Variants in TNPO1 observed in about 807,000 individuals in gnomAD.
The protein encoded by TNPO1 is transportin 1.
TNPO1 carries 8 observed loss-of-function variants against 119.5 expected under a neutral mutation model. The ratio of observed to expected loss-of-function variants is 0.07; its 90% CI spans 0.04 to 0.12. TNPO1 has a LOEUF of 0.12. Ranked by LOEUF, TNPO1 falls within the 10% of genes least tolerant of loss-of-function variation. TNPO1 has a pLI of 1.00. For missense variants in TNPO1, 576 were observed against 1,089.8 expected, an observed-to-expected ratio of 0.53 and a Z score of 6.64; for synonymous variants, 362 against 363.0, an observed-to-expected ratio of 1.00 and a Z score of 0.03.
intron 3 of TNPO1, 58 bp from the exon 4 acceptor site, chr5:72,855,716 G>A (rs1048561246): frequency 1.8e-5 from 25 of 1,403,762 alleles, no homozygotes; most frequent in Middle Eastern, 2.6e-4. Context: ...AAAACTTATC[G>A]GCACATTTTG....
At chr5:72,848,752 C>T (rs1745300218) in intron 2 of TNPO1, among the ~76,000 whole-genome samples, 2 of 147,170 alleles carry the variant, frequency 1.4e-5, no homozygotes, top group Admixed American at 6.7e-5. Flanking sequence ...GCTTCCGGCG[C>T]GCAGGAGGCG....
At chr5:72,871,553 A>T (rs1202581010) in intron 6 of TNPO1, among the ~76,000 whole-genome samples, 3 of 152,204 alleles carry the variant, frequency 2.0e-5, no homozygotes, top group African/African-American at 7.2e-5. Flanking sequence ...TCATGAGTAC[A>T]ATGGAAAAAT....
At chr5:72,823,471 C>T (rs1580358007) in intron 1 of TNPO1, among the ~76,000 whole-genome samples, 1 of 152,120 alleles carries the variant, frequency 6.6e-6, no homozygotes, top group African/African-American at 2.4e-5. Flanking sequence ...CCATAGTTGC[C>T]ATTTCATGTG....
intron 9 of TNPO1, among the ~76,000 whole-genome samples, chr5:72,880,590 G>T (rs938098465): frequency 1.3e-5 from 2 of 152,144 alleles, no homozygotes; most frequent in African/African-American, 4.8e-5. Flanking sequence ...CAAGGCGGGT[G>T]TATCACCTGA....
Position 72,913,056 on chromosome 5 carries a change from G to A in TNPO1, c.*4383G>A, listed in dbSNP as rs1750665591. 1 of 152,432 alleles carries A rather than the reference G, an allele frequency of 6.6e-6. No homozygotes were observed. Among genetic ancestry groups the A allele is most frequent in the African/African-American group, 2.4e-5 (1 of 41,428 alleles). The allele number at this position is 152,432 out of a possible 1,614,324, so 9.4% of individuals were successfully genotyped here. On this transcript the variant is annotated 3_prime_UTR_variant, in exon 25 of 25. Coordinates refer to ENST00000337273, the MANE Select transcript of TNPO1 (RefSeq NM_002270.4). The stretch of plus-strand genomic sequence containing the variant: ...AGGCCTTGGAACATTTAAGAAAACT[G>A]GTCTTCAGATAGTTAAGGGCTTGGG...
At chr5:72,883,354 C>G in intron 11 of TNPO1, 122 bp downstream of exon 11, 2 of 632,952 alleles carry the variant, frequency 3.2e-6, no homozygotes, top group South Asian at 1.9e-5. Context: ...TTAGTATATT[C>G]AGAGAGCTGT....
At chr5:72,831,018 T>A (rs901435688) in intron 1 of TNPO1, among the ~76,000 whole-genome samples, 5 of 152,142 alleles carry the variant, frequency 3.3e-5, no homozygotes, top group African/African-American at 7.2e-5. Context: ...TTTCCATCCC[T>A]TCTTACTTAC....
chr5:72,824,840 C>T (rs1041053978), intron 1 of TNPO1, among the ~76,000 whole-genome samples: 2 of 152,104 alleles, frequency 1.3e-5, no homozygotes, highest in Non-Finnish European at 2.9e-5. Flanking sequence ...ACTACCTATT[C>T]AACATCTCCC....
At chr5:72,886,286 C>G (rs1194533462) in intron 11 of TNPO1, among the ~76,000 whole-genome samples, 1 of 152,092 alleles carries the variant, frequency 6.6e-6, no homozygotes, top group East Asian at 1.9e-4. Context: ...GTTTCATGTG[C>G]CAGTGACTTT....
rs756888783 is a variant in TNPO1, at chr5:72,893,219, A to G, written c.1869A>G (p.Leu623=). 2.5e-6 allele frequency: 4 copies of G among 1,613,966 alleles called. No homozygotes were observed. The highest frequency in any genetic ancestry group is 2.7e-5 in the African/African-American group (2 of 74,924). ...CEPVYQRCVN[L]VQKTLAQAML... is the part of the protein sequence containing the mutation. ...CTGTGTATCAGCGTTGTGTAAACCT[A>G]GTACAGAAGACTCTTGCACAAGCCA... Residue 623 remains leucine (L), a synonymous_variant, in exon 16 of 25, where the codon CTA becomes CTG. Coordinates refer to ENST00000337273, the MANE Select transcript of TNPO1 (RefSeq NM_002270.4).
chr5:72,883,023 A>G (rs200142810), intron 10 of TNPO1, 41 bp from the exon 11 acceptor site: 8 of 1,453,008 alleles, frequency 5.5e-6, no homozygotes, highest in South Asian at 2.3e-5. Context: ...CTATTAGCCT[A>G]TAATGAATGC....
intron 1 of TNPO1, among the ~76,000 whole-genome samples, chr5:72,819,844 T>C (rs554462100): frequency 6.6e-6 from 1 of 152,338 alleles, no homozygotes; most frequent in African/African-American, 2.4e-5. Context: ...CATCTTATGT[T>C]ATGAGGATTA....
intron 1 of TNPO1, among the ~76,000 whole-genome samples, chr5:72,846,909 C>T (rs939269939): frequency 1.3e-5 from 2 of 152,042 alleles, no homozygotes; most frequent in African/African-American, 2.4e-5. Context: ...TAATGATATA[C>T]GAAGTCAGGC....
At chr5:72,895,288 G>A (rs1292858398) in intron 18 of TNPO1, among the ~76,000 whole-genome samples, 1 of 150,488 alleles carries the variant, frequency 6.6e-6, no homozygotes, top group Non-Finnish European at 1.5e-5. Context: ...GATTTACGTT[G>A]TTTTGTTTTT....
At chr5:72,881,445 T>C (rs1450764459) in intron 9 of TNPO1, among the ~76,000 whole-genome samples, 1 of 152,224 alleles carries the variant, frequency 6.6e-6, no homozygotes. Flanking sequence ...AACTTCTATC[T>C]ACCCTGCTCT....
chr5:72,862,082 C>T (rs922475543), intron 5 of TNPO1, among the ~76,000 whole-genome samples, 168 bp downstream of exon 5: 2 of 152,186 alleles, frequency 1.3e-5, no homozygotes, highest in Non-Finnish European at 2.9e-5. Flanking sequence ...ATTTATTTTT[C>T]TATAAAAACT....
intron 8 of TNPO1, 121 bp from the exon 9 acceptor site, chr5:72,877,107 A>C (rs1580440673): frequency 2.0e-6 from 1 of 510,150 alleles, no homozygotes; most frequent in Non-Finnish European, 3.4e-6. Context: ...AAAAAAAAAA[A>C]AAAAAAAAAA....
chr5:72,878,780 T>C, intron 9 of TNPO1: 1 of 313,734 alleles, frequency 3.2e-6, no homozygotes, highest in Admixed American at 4.2e-5. Context: ...TTAAATGTCA[T>C]AGATACTAAT....
chr5:72,910,674 C>A lies in TNPO1; in HGVS notation c.*2001C>A, dbSNP rs180966666. 2.6e-5 allele frequency: 4 copies of A among 152,534 alleles called. No individual in the cohort carries two copies. Among genetic ancestry groups the A allele is most frequent in the Admixed American group, 2.6e-4 (4 of 15,272 alleles). 9.4% of individuals were successfully genotyped at this position (152,534 alleles called of 1,614,324 possible). A position where few individuals can be genotyped will look rare whatever the true frequency, so the allele number is the denominator to read the frequency against. On this transcript the variant is annotated 3_prime_UTR_variant, in exon 25 of 25. Transcript: ENST00000337273. ...GCTCCTCTTTGCATGGTTCTATTCTCTAAAAGTGTTGAATGATACAGCCAT... is the reference window on the plus strand; with the variant it reads ...GCTCCTCTTTGCATGGTTCTATTCTATAAAAGTGTTGAATGATACAGCCAT...
Sources: gnomAD v4.1 joint callset for allele counts (sites outside exome capture counted in the v4.1 genomes callset) on GRCh38, gnomAD v4.1.1 for gene constraint, MANE v1.5 for transcripts, NCBI Gene and HGNC (gene_info 2026-07-23, HGNC 2026-07-21) for gene names.